ZNF469: variants seen among roughly 807,000 people sequenced by gnomAD.
The protein encoded by ZNF469 is zinc finger protein 469.
In ZNF469, 1 loss-of-function variant was observed where a neutral mutation model predicts 1.0. The ratio of observed to expected loss-of-function variants is 1.00; its 90% CI spans 0.35 to 4.73. The LOEUF (loss-of-function observed/expected upper bound fraction) is 4.73. ZNF469 is among the 30% of genes most tolerant of loss of function. The pLI is 0.16. For missense variants in ZNF469, 6,100 were observed against 5,356.3 expected (o/e 1.14, Z -4.33); for synonymous variants, 2,703 against 2,363.4 (o/e 1.14, Z -4.17).
chr16:88,212,497 C>G, the ZNF469 span, among the ~76,000 whole-genome samples: 4 of 152,026 alleles, frequency 2.6e-5, no homozygotes, highest in African/African-American at 9.7e-5. Context: ...CTTTGGGTAC[C>G]TTTTAATTTA....
At chr16:88,134,828 T>C in the ZNF469 span, among the ~76,000 whole-genome samples, 5 of 152,378 alleles carry the variant, frequency 3.3e-5, no homozygotes, top group African/African-American at 1.2e-4. Context: ...GTGTATATTA[T>C]TTTAAAATTT....
chr16:88,131,997 G>A, the ZNF469 span, among the ~76,000 whole-genome samples: 1 of 152,232 alleles, frequency 6.6e-6, no homozygotes, highest in Admixed American at 6.5e-5. Flanking sequence ...GGGCAGCGAT[G>A]CTCCGCCCGT....
At position 88,439,427 on chromosome 16, in the gene ZNF469, G is replaced by A. The variant is rs996042343; in HGVS notation, c.*95G>A. On this transcript the variant is annotated 3_prime_UTR_variant, in exon 3 of 3. Coordinates refer to ENST00000565624, the MANE Select transcript of ZNF469 (RefSeq NM_001367624.2). The stretch of plus-strand genomic sequence containing the variant: ...GGCTCCCTGAGATGGTCCACTCTGT[G>A]GCCACTTGACTTCTTGTGCAACTGC... The A allele has an allele frequency of 2.2e-6, 3 of 1,385,672 alleles. No homozygotes were observed. The highest frequency in any genetic ancestry group is 2.9e-5 in the African/African-American group (2 of 69,494). The allele number at this position is 1,385,672 out of a possible 1,614,324, so 85.8% of individuals were successfully genotyped here.
the ZNF469 span, among the ~76,000 whole-genome samples, chr16:88,224,762 T>C: frequency 6.6e-6 from 1 of 151,018 alleles, no homozygotes; most frequent in Non-Finnish European, 1.5e-5. Context: ...TGCACGTGTG[T>C]GTCTGTAAGC....
Position 88,438,075 on chromosome 16 carries a change from C to A in ZNF469, c.10605C>A (p.Thr3535=), listed in dbSNP as rs375672779. 40 of 1,550,298 alleles carry A rather than the reference C, an allele frequency of 2.6e-5. No homozygotes were observed. The highest frequency in any genetic ancestry group is 2.9e-5 in the Non-Finnish European group (33 of 1,146,976). ...ETLERPVDPV[T]HPIRGCELPS... ...TAGAGAGGCCTGTAGACCCCGTGACCCACCCGATCAGAGGTTGTGAGCTGC... is the reference window on the plus strand; with the variant it reads ...TAGAGAGGCCTGTAGACCCCGTGACACACCCGATCAGAGGTTGTGAGCTGC... The change falls in exon 3 of 3, where the codon ACC becomes ACA. Residue 3535 remains threonine (T), a synonymous_variant. Coordinates refer to ENST00000565624, the MANE Select transcript of ZNF469 (RefSeq NM_001367624.2).
At chr16:88,277,489 C>G in the ZNF469 span, among the ~76,000 whole-genome samples, 3 of 146,338 alleles carry the variant, frequency 2.1e-5, no homozygotes, top group African/African-American at 7.8e-5. Flanking sequence ...CTGTGCCACG[C>G]TGACACTCGG....
the ZNF469 span, among the ~76,000 whole-genome samples, chr16:88,311,790 G>C: frequency 6.6e-6 from 1 of 152,172 alleles, no homozygotes; most frequent in Non-Finnish European, 1.5e-5. Context: ...CAAGTCGTTC[G>C]CCAACAAGGA....
At chr16:88,333,786 C>T in the ZNF469 span, among the ~76,000 whole-genome samples, 2 of 142,502 alleles carry the variant, frequency 1.4e-5, no homozygotes, top group Admixed American at 7.4e-5. Flanking sequence ...CACCAAGAAC[C>T]GGAGCACTTC....
the ZNF469 span, among the ~76,000 whole-genome samples, chr16:88,147,051 G>A: frequency 5.3e-5 from 8 of 152,098 alleles, no homozygotes; most frequent in Non-Finnish European, 8.8e-5. Flanking sequence ...GTGCCCTCAC[G>A]TGGCAAAAGG....
chr16:88,166,065 G>C, the ZNF469 span, among the ~76,000 whole-genome samples: 1 of 152,256 alleles, frequency 6.6e-6, no homozygotes, highest in Non-Finnish European at 1.5e-5. The surrounding 1 kb of genome is among the most constrained non-coding windows in gnomAD (Gnocchi z 4.5). Context: ...TGAGGAGGCC[G>C]ACCCTTGTCC....
chr16:88,398,248 G>T (rs867785537), intron 1 of ZNF469, among the ~76,000 whole-genome samples: 3 of 151,750 alleles, frequency 2.0e-5, no homozygotes, highest in Non-Finnish European at 2.9e-5. Flanking sequence ...GGCCACACAC[G>T]CAAGACACCA....
chr16:88,292,338 G>T, the ZNF469 span, among the ~76,000 whole-genome samples: 1 of 152,190 alleles, frequency 6.6e-6, no homozygotes, highest in African/African-American at 2.4e-5. Context: ...AAGGCCACAG[G>T]AGCCGGGACA....
the ZNF469 span, among the ~76,000 whole-genome samples, chr16:88,165,599 C>A: frequency 2.3e-4 from 35 of 152,322 alleles, no homozygotes; most frequent in African/African-American, 7.9e-4. Flanking sequence ...AGCACGCTAA[C>A]TTTTTTCCAA....
At chr16:88,393,139 G>A (rs995540639) in intron 1 of ZNF469, among the ~76,000 whole-genome samples, 2 of 152,256 alleles carry the variant, frequency 1.3e-5, no homozygotes, top group African/African-American at 2.4e-5. Context: ...AGCTGTGGCC[G>A]GTCTATAAAT....
At chr16:88,297,633 G>C in the ZNF469 span, among the ~76,000 whole-genome samples, 1 of 152,146 alleles carries the variant, frequency 6.6e-6, no homozygotes, top group South Asian at 2.1e-4. Flanking sequence ...CAGTCTCCAG[G>C]GCCGGCATCT....
the ZNF469 span, among the ~76,000 whole-genome samples, chr16:88,143,016 C>T: frequency 4.6e-5 from 7 of 152,124 alleles, no homozygotes; most frequent in Non-Finnish European, 8.8e-5. Context: ...CTGGGGGTGG[C>T]AATCCCCACC....
chr16:88,115,347 C>G, the ZNF469 span, among the ~76,000 whole-genome samples: 3 of 151,878 alleles, frequency 2.0e-5, no homozygotes, highest in African/African-American at 7.3e-5. Context: ...TTTAGGAAGA[C>G]AAGTACATGT....
At chr16:88,186,610 C>T in the ZNF469 span, among the ~76,000 whole-genome samples, 2 of 152,152 alleles carry the variant, frequency 1.3e-5, no homozygotes, top group Non-Finnish European at 2.9e-5. Flanking sequence ...ACCTCAGTGT[C>T]GGGCGCGGGT....
the ZNF469 span, among the ~76,000 whole-genome samples, chr16:88,370,951 G>A: frequency 6.6e-6 from 1 of 152,242 alleles, no homozygotes; most frequent in South Asian, 2.1e-4. Context: ...GCTACCTGCT[G>A]GAGGATGGGA....
Sources: gnomAD v4.1 joint callset for allele counts (sites outside exome capture counted in the v4.1 genomes callset) on GRCh38, gnomAD v4.1.1 for gene constraint, Gnocchi (gnomAD v3.1) non-coding constraint, MANE v1.5 for transcripts, NCBI Gene and HGNC (gene_info 2026-07-23, HGNC 2026-07-21) for gene names.